The following CALHM5 variants were observed in gnomAD, a reference collection of about 807,000 sequenced individuals.
CALHM5 encodes the protein calcium homeostasis modulator family member 5, also known as calcium homeostasis modulator protein 5.
A neutral mutation model predicts 20.9 loss-of-function variants in CALHM5; 17 were observed. The ratio of observed to expected loss-of-function variants is 0.82; its 90% CI spans 0.56 to 1.22. The LOEUF (loss-of-function observed/expected upper bound fraction) is 1.22, where lower values mean the gene tolerates loss of function less well. Among genes scored for constraint, CALHM5 ranks in the 50% most tolerant of loss-of-function variants. CALHM5 has a pLI of 0.00. For missense variants in CALHM5, 360 were observed against 364.6 expected, an observed-to-expected ratio of 0.99 and a Z score of 0.10; for synonymous variants, 148 against 140.0, an observed-to-expected ratio of 1.06 and a Z score of -0.40.
rs1349490920 is a variant in CALHM5, at chr6:116,511,908, A to G, written c.212A>G (p.Asn71Ser). The change falls in exon 1 of 2, where the codon AAT (asparagine) becomes AGT (serine). Residue 71 changes from asparagine (N) to serine (S), a missense_variant. Physicochemically the swap from Asn to Ser is conservative, Grantham distance 46. Coordinates refer to ENST00000368599, the MANE Select transcript of CALHM5 (RefSeq NM_153711.5). ...VLLILGFFLN[N>S]RSWRLFTGCC... ...CTGATCCTGGGATTCTTTCTGAACA[A>G]TAGGTCGTGGAGACTCTTCACAGGC... 1.9e-6 allele frequency: 3 copies of G among 1,614,008 alleles called. No homozygotes were observed. Among genetic ancestry groups the G allele is most frequent in the East Asian group, 2.2e-5 (1 of 44,878 alleles).
chr6:116,514,603 G>A lies in CALHM5; in HGVS notation c.541-997G>A, dbSNP rs564839675. 9.9e-5 allele frequency among the ~76,000 whole-genome samples: 15 copies of A among 152,242 alleles called. No individual in the cohort carries two copies. In the East Asian group the frequency reaches 2.3e-3, roughly 23 times the overall value. On this transcript the variant is annotated intron_variant, in intron 1 of 1. Transcript: ENST00000368599. Reference sequence around the variant, plus strand: ...GAAGAAACTGAGATAAAAAGAATACGCATAGTAAGGGGAAAGTTTAGATTT... The same window carrying A: ...GAAGAAACTGAGATAAAAAGAATACACATAGTAAGGGGAAAGTTTAGATTT...
In CALHM5 at chr6:116,517,377, G is replaced by A. The variant is rs989220028; in HGVS notation, c.*1388G>A. On this transcript the variant is annotated 3_prime_UTR_variant, in exon 2 of 2. Coordinates refer to ENST00000368599, the MANE Select transcript of CALHM5 (RefSeq NM_153711.5). ...GCATTCTACAATGTACTATATCCAT[G>A]TTAGTATGTACATATATATGTGTAT... 4 of 152,094 alleles carry A rather than the reference G, an allele frequency of 2.6e-5. No homozygotes were observed. The highest frequency in any genetic ancestry group is 2.6e-4 in the Admixed American group (4 of 15,264). 9.4% of individuals were successfully genotyped at this position (152,094 alleles called of 1,614,324 possible).
At chr6:116,513,200 C>G (rs1467595834) in intron 1 of CALHM5, among the ~76,000 whole-genome samples, 1 of 152,144 alleles carries the variant, frequency 6.6e-6, no homozygotes, top group Non-Finnish European at 1.5e-5. Flanking sequence ...AAGGATTTGC[C>G]TTGGTAACAA....
At position 116,518,752 on chromosome 6, in the gene CALHM5, A is replaced by G. The variant is rs1248660246; in HGVS notation, c.*2763A>G. On this transcript the variant is annotated 3_prime_UTR_variant, in exon 2 of 2. Transcript: ENST00000368599. ...GTCATATCTGGGGGATATTCCTGCC[A>G]CCCTCAAGTCCAGGGACTTTCTGCA... 6.6e-6 allele frequency: 1 copy of G among 152,130 alleles called. No homozygotes were observed. The highest frequency in any genetic ancestry group is 1.5e-5 in the Non-Finnish European group (1 of 68,008). 9.4% of individuals were successfully genotyped at this position (152,130 alleles called of 1,614,324 possible).
At chr6:116,515,322 A>G (rs1337977044) in intron 1 of CALHM5, among the ~76,000 whole-genome samples, 1 of 152,118 alleles carries the variant, frequency 6.6e-6, no homozygotes, top group African/African-American at 2.4e-5. Flanking sequence ...TGTAATCTAT[A>G]CTTTGTACTC....
chr6:116,515,971 T>C lies in CALHM5; in HGVS notation c.912T>C (p.Gly304=). The change falls in exon 2 of 2, where the codon GGT becomes GGC. Residue 304 remains glycine, a synonymous_variant. Transcript: ENST00000368599. ...ATGAGACGACAATGGTCCTTGTGGG[T>C]ACTGCCCACAATATGTAGCTCATCC... ...EDDETTMVLV[G]TAHNM 1 of 1,601,796 alleles carries C rather than the reference T, an allele frequency of 6.2e-7. No individual in the cohort carries two copies. The highest frequency in any genetic ancestry group is 1.1e-5 in the South Asian group (1 of 90,260).
rs1402480283 is a variant in CALHM5, at chr6:116,522,938, C to G, written c.*6949C>G. ...TTGATAACACTAAGGCAGTGGTTCT[C>G]AAACTTTAGTCCATATAAAAATCAT... On this transcript the variant is annotated 3_prime_UTR_variant, in exon 2 of 2. Transcript: ENST00000368599. The G allele has an allele frequency of 1.4e-5, 2 of 148,092 alleles. No homozygotes were observed. Among genetic ancestry groups the G allele is most frequent in the African/African-American group, 4.9e-5 (2 of 40,424 alleles). The allele number at this position is 148,092 out of a possible 1,614,324, so 9.2% of individuals were successfully genotyped here.
chr6:116,513,358 T>C lies in CALHM5; in HGVS notation c.540+1122T>C, dbSNP rs188935866. On this transcript the variant is annotated intron_variant, in intron 1 of 1. Transcript: ENST00000368599. Reference sequence around the variant, plus strand: ...TAAAGCACATCTTAGATAAAACATATCAGGCTCCCAAATGTCTTGTGTCTT... The same window carrying C: ...TAAAGCACATCTTAGATAAAACATACCAGGCTCCCAAATGTCTTGTGTCTT... Among the ~76,000 whole-genome samples, 4 of 152,276 alleles carry C rather than the reference T, an allele frequency of 2.6e-5. No individual in the cohort carries two copies. In the East Asian group the frequency reaches 7.7e-4, roughly 29 times the overall value.
Position 116,511,843 on chromosome 6 carries a change from C to CT in CALHM5, c.148dup (p.Tyr50LeufsTer23). ...GCCCCTGCAGCACTGAGAATATGAC[C>CT]TATGGGCTGGTTTTCCTCTTTGCTC... On this transcript the variant is annotated frameshift_variant, in exon 1 of 2. Transcript: ENST00000368599. LOFTEE classifies it high-confidence loss of function. 6.2e-7 allele frequency: 1 copy of CT among 1,614,080 alleles called. No homozygotes were observed. Among genetic ancestry groups the CT allele is most frequent in the Non-Finnish European group, 8.5e-7 (1 of 1,179,994 alleles).
chr6:116,511,736 C>A lies in CALHM5; in HGVS notation c.40C>A (p.Gln14Lys). 2 of 1,613,892 alleles carry A rather than the reference C, an allele frequency of 1.2e-6. No individual in the cohort carries two copies. Among genetic ancestry groups the A allele is most frequent in the East Asian group, 2.2e-5 (1 of 44,886 alleles). ...GGGCATTTTAAAATTCTTCCTTAAT[C>A]AGAAAACTGTTATTGGCTACAGCTT... ...FQGILKFFLN[Q>K]KTVIGYSFMA... Residue 14 changes from glutamine (Q) to lysine (K), a missense_variant, in exon 1 of 2, where the codon CAG (glutamine) becomes AAG (lysine). By Grantham distance (53) the Gln-to-Lys change is moderately conservative. Transcript: ENST00000368599.
In CALHM5 at chr6:116,511,759, C is replaced by T. The variant is rs751327907; in HGVS notation, c.63C>T (p.Ser21=). The T allele has an allele frequency of 3.1e-6, 5 of 1,614,054 alleles. No homozygotes were observed. The highest frequency in any genetic ancestry group is 4.2e-6 in the Non-Finnish European group (5 of 1,179,974). ...FLNQKTVIGY[S]FMALLTVGSE... is the part of the protein sequence containing the mutation. The stretch of plus-strand genomic sequence containing the variant: ...ATCAGAAAACTGTTATTGGCTACAG[C>T]TTCATGGCTCTGCTGACCGTGGGAA... The change falls in exon 1 of 2, where the codon AGC becomes AGT. Residue 21 remains serine, a synonymous_variant. Transcript: ENST00000368599.
At position 116,519,167 on chromosome 6, in the gene CALHM5, C is replaced by T. The variant is rs373047779; in HGVS notation, c.*3178C>T. The T allele has an allele frequency of 6.6e-6, 1 of 152,150 alleles. No homozygotes were observed. Among genetic ancestry groups the T allele is most frequent in the African/African-American group, 2.4e-5 (1 of 41,424 alleles). 9.4% of individuals were successfully genotyped at this position (152,150 alleles called of 1,614,324 possible). ...CATTAGTTGTCTTTGGATGTGCTCC[C>T]TAGAGGCTGCGCCTGACACAGGGAG... On this transcript the variant is annotated 3_prime_UTR_variant, in exon 2 of 2. Coordinates refer to ENST00000368599, the MANE Select transcript of CALHM5 (RefSeq NM_153711.5).
In CALHM5 at chr6:116,512,019, T is replaced by G; in HGVS notation, c.323T>G (p.Leu108Trp). ...CTCGGCCAGATCACTCTGAGCTCAT[T>G]GGTGGCTCCAGTGATGTGGCTTTCT... ...YVLGQITLSS[L>W]VAPVMWLSVA... The change falls in exon 1 of 2, where the codon TTG becomes TGG. Residue 108 changes from leucine to tryptophan, a missense_variant. By Grantham distance (61) the Leu-to-Trp change is moderately conservative. Coordinates refer to ENST00000368599, the MANE Select transcript of CALHM5 (RefSeq NM_153711.5). 1.2e-6 allele frequency: 2 copies of G among 1,613,998 alleles called. No homozygotes were observed. Among genetic ancestry groups the G allele is most frequent in the Non-Finnish European group, 1.7e-6 (2 of 1,179,962 alleles).
rs946827498 is a variant in CALHM5, at chr6:116,512,144, T to C, written c.448T>C (p.Trp150Arg). 3.7e-6 allele frequency: 6 copies of C among 1,613,524 alleles called. No individual in the cohort carries two copies. In the East Asian group the frequency reaches 1.3e-4, roughly 36 times the overall value. ...LICKGKPKEC[W>R]EELHKVSCGK... ...TTGCAAGGGTAAGCCCAAAGAGTGC[T>C]GGGAAGAACTTCACAAAGTATCTTG... Residue 150 changes from tryptophan to arginine, a missense_variant, in exon 1 of 2, where the codon TGG becomes CGG. Physicochemically the swap from Trp to Arg is moderately radical, Grantham distance 101 (BLOSUM62 -3). Coordinates refer to ENST00000368599, the MANE Select transcript of CALHM5 (RefSeq NM_153711.5).
chr6:116,512,106 T>C lies in CALHM5; in HGVS notation c.410T>C (p.Leu137Pro). ...CAMSGTRSSG[L>P]LELICKGKPK... ...ATGAGCGGGACGAGAAGTTCAGGAC[T>C]CCTGGAACTGATTTGCAAGGGTAAG... Residue 137 changes from leucine (L) to proline (P), a missense_variant, in exon 1 of 2, where the codon CTC becomes CCC. Coordinates refer to ENST00000368599, the MANE Select transcript of CALHM5 (RefSeq NM_153711.5). 4.3e-6 allele frequency: 7 copies of C among 1,614,044 alleles called. No homozygotes were observed. The highest frequency in any genetic ancestry group is 1.3e-5 in the African/African-American group (1 of 75,036).
chr6:116,511,652 T>C lies in CALHM5; in HGVS notation c.-45T>C. The C allele has an allele frequency of 6.4e-7, 1 of 1,573,434 alleles. No homozygotes were observed. The highest frequency in any genetic ancestry group is 8.6e-7 in the Non-Finnish European group (1 of 1,156,496). ...CCCTCGGCCACTGCCACAGCTGCTC[T>C]GCCAATAACAAAGGCACAGCATTTT... On this transcript the variant is annotated 5_prime_UTR_variant, in exon 1 of 2. Coordinates refer to ENST00000368599, the MANE Select transcript of CALHM5 (RefSeq NM_153711.5).
intron 1 of CALHM5, 115 bp downstream of exon 1, chr6:116,512,351 A>G (rs1772139428): frequency 1.7e-6 from 2 of 1,186,720 alleles, no homozygotes; most frequent in Non-Finnish European, 2.3e-6. Flanking sequence ...ACTAAATGGA[A>G]ACTGAAACAT....
intron 1 of CALHM5, among the ~76,000 whole-genome samples, chr6:116,515,311 A>G (rs1370807928): frequency 6.6e-6 from 1 of 152,188 alleles, no homozygotes; most frequent in Non-Finnish European, 1.5e-5. Flanking sequence ...TGTAAGTCTT[A>G]TGTAATCTAT....
chr6:116,513,217 A>G (rs752856453), intron 1 of CALHM5, among the ~76,000 whole-genome samples: 13 of 152,226 alleles, frequency 8.5e-5, no homozygotes, highest in Admixed American at 2.0e-4. Flanking sequence ...ACAACAAATC[A>G]AGGCAAAATC....
Sources: gnomAD v4.1 joint callset for allele counts (sites outside exome capture counted in the v4.1 genomes callset) on GRCh38, gnomAD v4.1.1 for gene constraint, MANE v1.5 for transcripts, NCBI Gene and HGNC (gene_info 2026-07-23, HGNC 2026-07-21) for gene names.